The following PLCB1 variants were observed in gnomAD, a reference collection of about 807,000 sequenced individuals.
PLCB1 encodes phospholipase C beta 1, also known as 1-phosphatidylinositol 4,5-bisphosphate phosphodiesterase beta-1.
A neutral mutation model predicts 161.8 loss-of-function variants in PLCB1; 46 were observed. The ratio of observed to expected loss-of-function variants is 0.28; its 90% confidence interval spans 0.22 to 0.36. PLCB1 has a LOEUF of 0.36. Among genes scored for constraint, PLCB1 ranks in the 10% least tolerant of loss-of-function variants. The pLI is 1.00. For missense variants in PLCB1, 1,016 were observed against 1,472.5 expected, an observed-to-expected ratio of 0.69 and a Z score of 5.07; for synonymous variants, 517 against 503.7, an observed-to-expected ratio of 1.03 and a Z score of -0.35.
chr20:8,821,748 C>G (rs947261624), intron 31 of PLCB1, among the ~76,000 whole-genome samples: 7 of 151,764 alleles, frequency 4.6e-5, no homozygotes, highest in Admixed American at 3.9e-4. Flanking sequence ...GCCACTACCC[C>G]GCTCTGTGGG....
chr20:8,758,817 C>G (rs533083058), intron 24 of PLCB1, among the ~76,000 whole-genome samples: 7 of 152,166 alleles, frequency 4.6e-5, no homozygotes, highest in Admixed American at 3.9e-4. Flanking sequence ...AATAATTGAA[C>G]TTACAGAAAA....
At position 8,657,228 on chromosome 20, in the gene PLCB1, A is replaced by C. The variant is rs140899287; in HGVS notation, c.639A>C (p.Arg213Ser). Reference sequence around the variant, plus strand: ...AAGATTTCACTCCAGAAGTGTACAGAGTTTTCCTCAACAACCTTTGCCCTC... The same window carrying C: ...AAGATTTCACTCCAGAAGTGTACAGCGTTTTCCTCAACAACCTTTGCCCTC... ...PQEDFTPEVY[R>S]VFLNNLCPRP... The change falls in exon 8 of 32, where the codon AGA becomes AGC. Residue 213 changes from arginine (R) to serine (S), a missense_variant. By Grantham distance (110) the Arg-to-Ser change is moderately radical. Transcript: ENST00000338037. The C allele has an allele frequency of 2.2e-4, 354 of 1,610,822 alleles. 5 individuals carry two copies. The Admixed American group carries it at 5.8e-3, about 27-fold the overall frequency.
intron 2 of PLCB1, among the ~76,000 whole-genome samples, chr20:8,201,785 CAAT>C (rs1416965907): frequency 3.3e-5 from 5 of 152,108 alleles, no homozygotes; most frequent in Non-Finnish European, 5.9e-5. Context: ...GCTTTACAAT[CAAT>C]GATGCTATCA....
At chr20:8,411,922 C>A (rs1419884799) in intron 3 of PLCB1, among the ~76,000 whole-genome samples, 1 of 152,018 alleles carries the variant, frequency 6.6e-6, no homozygotes, top group Non-Finnish European at 1.5e-5. Flanking sequence ...TCTTGAGAGA[C>A]TGAGGCAGGA....
intron 1 of PLCB1, among the ~76,000 whole-genome samples, chr20:8,136,846 G>T (rs1037914191): frequency 1.3e-5 from 2 of 152,096 alleles, no homozygotes; most frequent in South Asian, 2.1e-4. Context: ...CGGAAAATAA[G>T]TACGTAATTT....
intron 3 of PLCB1, among the ~76,000 whole-genome samples, chr20:8,398,038 C>A (rs940843442): frequency 4.8e-4 from 73 of 152,060 alleles, no homozygotes; most frequent in African/African-American, 1.7e-3. Context: ...CCATTTTCTA[C>A]CCCCCTTGCA....
At chr20:8,757,219 C>G in intron 24 of PLCB1, 41 bp downstream of exon 24, 4 of 1,565,458 alleles carry the variant, frequency 2.6e-6, no homozygotes, top group Non-Finnish European at 3.5e-6. Context: ...GAGCAAGATC[C>G]TCCAGTTCAT....
chr20:8,205,236 C>G (rs1357995334), intron 2 of PLCB1, among the ~76,000 whole-genome samples: 1 of 152,088 alleles, frequency 6.6e-6, no homozygotes, highest in Admixed American at 6.6e-5. Context: ...ATCTACTTTT[C>G]TTATCTGGTC....
intron 3 of PLCB1, among the ~76,000 whole-genome samples, chr20:8,579,980 G>A (rs1986782908): frequency 6.6e-6 from 1 of 152,186 alleles, no homozygotes; most frequent in Non-Finnish European, 1.5e-5. Flanking sequence ...GCAGGCTCTG[G>A]GGTGTAGGAG....
intron 10 of PLCB1, among the ~76,000 whole-genome samples, chr20:8,686,997 T>G (rs73078102): frequency 6.9e-6 from 1 of 145,016 alleles, no homozygotes; most frequent in Non-Finnish European, 1.5e-5. Flanking sequence ...CATAAATATT[T>G]CTACTTCTAC....
At chr20:8,532,917 G>A (rs953328625) in intron 3 of PLCB1, among the ~76,000 whole-genome samples, 1 of 151,660 alleles carries the variant, frequency 6.6e-6, no homozygotes, top group Non-Finnish European at 1.5e-5. Flanking sequence ...CAATGTACAG[G>A]TTAGTTACAT....
chr20:8,166,804 G>T (rs1345184972), intron 2 of PLCB1, among the ~76,000 whole-genome samples: 1 of 152,036 alleles, frequency 6.6e-6, no homozygotes, highest in Non-Finnish European at 1.5e-5. Flanking sequence ...TGTTTCCCTA[G>T]ACACGGCATA....
At chr20:8,726,968 G>A (rs1433125277) in intron 16 of PLCB1, among the ~76,000 whole-genome samples, 1 of 152,056 alleles carries the variant, frequency 6.6e-6, no homozygotes, top group Admixed American at 6.6e-5. Flanking sequence ...AAATCTGGGT[G>A]AATTTAGAAC....
intron 3 of PLCB1, among the ~76,000 whole-genome samples, chr20:8,456,297 A>G (rs1294075277): frequency 6.6e-6 from 1 of 152,236 alleles, no homozygotes; most frequent in Non-Finnish European, 1.5e-5. Flanking sequence ...TATAGGCATG[A>G]GCAAAAAATG....
chr20:8,667,339 G>A (rs1989837910), intron 9 of PLCB1, among the ~76,000 whole-genome samples: 1 of 152,116 alleles, frequency 6.6e-6, no homozygotes, highest in African/African-American at 2.4e-5. Context: ...TGCATTCCAA[G>A]TTCTTCTTAA....
intron 3 of PLCB1, among the ~76,000 whole-genome samples, chr20:8,571,353 A>G (rs1179959433): frequency 1.3e-5 from 2 of 152,076 alleles, no homozygotes; most frequent in African/African-American, 4.8e-5. Flanking sequence ...GTGGTGCCAC[A>G]CACCTGTGAT....
At chr20:8,253,234 A>G (rs1400544178) in intron 2 of PLCB1, among the ~76,000 whole-genome samples, 4 of 151,920 alleles carry the variant, frequency 2.6e-5, no homozygotes, top group Non-Finnish European at 4.4e-5. Context: ...AACTGATAGG[A>G]ATTGGTGGTC....
intron 2 of PLCB1, among the ~76,000 whole-genome samples, chr20:8,318,198 G>A (rs1054986276): frequency 6.6e-6 from 1 of 152,062 alleles, no homozygotes; most frequent in African/African-American, 2.4e-5. Context: ...AGTGTATGAT[G>A]TTATATGACT....
At chr20:8,632,364 TCAA>T (rs1354486717) in intron 4 of PLCB1, among the ~76,000 whole-genome samples, 2 of 152,190 alleles carry the variant, frequency 1.3e-5, no homozygotes, top group Non-Finnish European at 2.9e-5. Flanking sequence ...ACTCATTTAT[TCAA>T]CAACATTTTG....
Sources: gnomAD v4.1 joint callset for allele counts (sites outside exome capture counted in the v4.1 genomes callset) on GRCh38, gnomAD v4.1.1 for gene constraint, MANE v1.5 for transcripts, NCBI Gene and HGNC (gene_info 2026-07-23, HGNC 2026-07-21) for gene names.